The following DENND4A variants were observed in gnomAD, a reference collection of about 807,000 sequenced individuals.
DENND4A encodes the protein C-myc promoter-binding protein.
Under a neutral mutation model 199.3 loss-of-function variants are expected in DENND4A, and 70 were observed. That is an observed-to-expected ratio of 0.35 (90% CI 0.29 to 0.43). The LOEUF (loss-of-function observed/expected upper bound fraction) is 0.43. Among genes scored for constraint, DENND4A ranks in the 20% least tolerant of loss-of-function variants. DENND4A has a pLI of 1.00. For missense variants in DENND4A, 1,723 were observed against 2,255.8 expected, an observed-to-expected ratio of 0.76 and a Z score of 4.78; for synonymous variants, 686 against 766.9, an observed-to-expected ratio of 0.89 and a Z score of 1.74.
chr15:65,706,191 T>C lies in DENND4A; in HGVS notation c.1987A>G (p.Ile663Val). ...DMDKSGEVRL[I>V]ELDESFKSEH... is the part of the protein sequence containing the mutation. Reference sequence around the variant, plus strand: ...CTTTTGAAAGATTCATCCAGTTCTATAAGTCGTACTTCACCGCTCTTGTCC... The same window carrying C: ...CTTTTGAAAGATTCATCCAGTTCTACAAGTCGTACTTCACCGCTCTTGTCC... Residue 663 changes from isoleucine to valine, a missense_variant, in exon 15 of 33, where the codon ATA becomes GTA. Physicochemically the swap from Ile to Val is conservative, Grantham distance 29 (BLOSUM62 3). Around this residue, in one of 6 missense-constraint regions of DENND4A, gnomAD observed 725 missense variants for 952.9 expected, o/e 0.76. Transcript: ENST00000443035. 6.3e-7 allele frequency: 1 copy of C among 1,596,176 alleles called. No individual in the cohort carries two copies. Among genetic ancestry groups the C allele is most frequent in the Non-Finnish European group, 8.5e-7 (1 of 1,170,826 alleles).
At chr15:65,790,504 C>G (rs1029677788) in intron 1 of DENND4A, among the ~76,000 whole-genome samples, 1 of 151,980 alleles carries the variant, frequency 6.6e-6, no homozygotes, top group Non-Finnish European at 1.5e-5. Flanking sequence ...AAATTAAACT[C>G]CACAGTGAAG....
chr15:65,696,326 A>G, intron 22 of DENND4A, 40 bp downstream of exon 22: 3 of 1,589,724 alleles, frequency 1.9e-6, no homozygotes, highest in Non-Finnish European at 2.6e-6. Flanking sequence ...TACAGATACA[A>G]TTTATTCCGC....
In DENND4A at chr15:65,737,909, AGT is replaced by A; in HGVS notation, c.836_837del (p.Tyr279PhefsTer2). 1 of 1,599,108 alleles carries A rather than the reference AGT, an allele frequency of 6.3e-7. No homozygotes were observed. Among genetic ancestry groups the A allele is most frequent in the Non-Finnish European group, 8.5e-7 (1 of 1,171,948 alleles). ...YGAAIQFYEPYSEENLTEKQR... is the reference protein window; with the variant it reads ...YGAAIQFYEPXSEENLTEKQR... ...TGCTTTTCTGTGAGATTCTCCTCAG[AGT>A]ATGGTTCATAAAACTGAATAGCAGC... On this transcript the variant is annotated frameshift_variant, in exon 7 of 33. Coordinates refer to ENST00000443035, the MANE Select transcript of DENND4A (RefSeq NM_001320835.1). LOFTEE classifies it high-confidence loss of function.
intron 23 of DENND4A, among the ~76,000 whole-genome samples, chr15:65,683,923 C>T (rs2076665696): frequency 6.6e-6 from 1 of 152,184 alleles, no homozygotes; most frequent in Non-Finnish European, 1.5e-5. Flanking sequence ...CACTAATATA[C>T]TGTGTCTACA....
rs575542021 is a variant in DENND4A at position 65,739,851 on chromosome 15, G to A, written c.632-976C>T. On this transcript the variant is annotated intron_variant, in intron 5 of 32. Coordinates refer to ENST00000443035, the MANE Select transcript of DENND4A (RefSeq NM_001320835.1). ...TCTGTACTACTCTCTCAGGTCATGA[G>A]GTAATTAATAAAGTCATAAAGTAAG... Among the ~76,000 whole-genome samples the A allele has an allele frequency of 1.3e-3, 199 of 152,214 alleles. 1 individual carries two copies. Among genetic ancestry groups the A allele is most frequent in the African/African-American group, 4.6e-3 (192 of 41,534 alleles).
intron 1 of DENND4A, among the ~76,000 whole-genome samples, chr15:65,773,543 G>T (rs1047861608): frequency 3.3e-5 from 5 of 152,320 alleles, no homozygotes; most frequent in African/African-American, 1.2e-4. Flanking sequence ...ATAGAGGAGA[G>T]ATGGAAGGGG....
At chr15:65,775,264 T>C (rs2077252166) in intron 1 of DENND4A, among the ~76,000 whole-genome samples, 2 of 152,040 alleles carry the variant, frequency 1.3e-5, no homozygotes, top group South Asian at 4.2e-4. Flanking sequence ...GAGGTTTGCT[T>C]GAGCCCAGGA....
Position 65,715,619 on chromosome 15 carries a change from G to A in DENND4A, c.1812C>T (p.Phe604=). The A allele has an allele frequency of 1.3e-6, 2 of 1,546,198 alleles. No homozygotes were observed. Among genetic ancestry groups the A allele is most frequent in the Non-Finnish European group, 1.7e-6 (2 of 1,148,408 alleles). Residue 604 remains phenylalanine (F), a synonymous_variant, in exon 14 of 33, where the codon TTC becomes TTT. Coordinates refer to ENST00000443035, the MANE Select transcript of DENND4A (RefSeq NM_001320835.1). ...DAASLFALQA[F]LRSRDRSHQK... is the part of the protein sequence containing the mutation. ...GATGTGACCGGTCCCGGCTTCTTAAGAAAGCTGTTCAACAAAAATATATAA... is the reference window on the plus strand; with the variant it reads ...GATGTGACCGGTCCCGGCTTCTTAAAAAAGCTGTTCAACAAAAATATATAA...
At chr15:65,781,006 C>T (rs2572210) in intron 1 of DENND4A, among the ~76,000 whole-genome samples, 30,115 of 151,998 alleles carry the variant, frequency 0.2, 4,015 homozygotes, top group East Asian at 0.73. Flanking sequence ...ATTATCCAGG[C>T]AAGAGTATGG....
intron 23 of DENND4A, among the ~76,000 whole-genome samples, chr15:65,678,239 T>G (rs938598968): frequency 6.6e-6 from 1 of 152,222 alleles, no homozygotes. Context: ...CATACTTTTC[T>G]TTTTCAAAAT....
chr15:65,778,934 G>A (rs1026834489), intron 1 of DENND4A, among the ~76,000 whole-genome samples: 1 of 149,128 alleles, frequency 6.7e-6, no homozygotes, highest in African/African-American at 2.5e-5. Flanking sequence ...TCAGCTCAGA[G>A]GAGGCCAACA....
At position 65,691,461 on chromosome 15, in the gene DENND4A, T is replaced by A; in HGVS notation, c.3133A>T (p.Thr1045Ser). Reference sequence around the variant, plus strand: ...AAGCATCTACTTTGAATGTTTCGTGTTTCATTTGTATCTTCAAGAGATGAT... The same window carrying A: ...AAGCATCTACTTTGAATGTTTCGTGATTCATTTGTATCTTCAAGAGATGAT... ...LISSLEDTNE[T>S]RNIQSRCFRK... The change falls in exon 23 of 33, where the codon ACA (threonine) becomes TCA (serine). Residue 1045 changes from threonine (T) to serine (S), a missense_variant. By Grantham distance (58) the Thr-to-Ser change is moderately conservative. Transcript: ENST00000443035. 1.9e-6 allele frequency: 3 copies of A among 1,612,430 alleles called. No homozygotes were observed. The highest frequency in any genetic ancestry group is 1.7e-6 in the Non-Finnish European group (2 of 1,179,172).
intron 5 of DENND4A, among the ~76,000 whole-genome samples, chr15:65,739,099 T>C (rs1460327764): frequency 2.6e-5 from 4 of 152,194 alleles, no homozygotes; most frequent in East Asian, 1.9e-4. Flanking sequence ...GCTTCATCTA[T>C]AAAGGCTATG....
chr15:65,702,983 T>C lies in DENND4A; in HGVS notation c.2113A>G (p.Asn705Asp), dbSNP rs757134254. The change falls in exon 16 of 33, where the codon AAC (asparagine) becomes GAC (aspartate). Residue 705 changes from asparagine (N) to aspartate (D), a missense_variant. Coordinates refer to ENST00000443035, the MANE Select transcript of DENND4A (RefSeq NM_001320835.1). ...YSYNGFPVLRNNLFERPEGFL... is the reference protein window; with the variant it reads ...YSYNGFPVLRDNLFERPEGFL... Reference sequence around the variant, plus strand: ...CCTTCAGGTCTTTCAAATAAATTGTTCCTAAGAACTGGAAATCCATTATAG... The same window carrying C: ...CCTTCAGGTCTTTCAAATAAATTGTCCCTAAGAACTGGAAATCCATTATAG... 1 of 1,612,542 alleles carries C rather than the reference T, an allele frequency of 6.2e-7. No homozygotes were observed. The highest frequency in any genetic ancestry group is 8.5e-7 in the Non-Finnish European group (1 of 1,179,414).
intron 23 of DENND4A, among the ~76,000 whole-genome samples, chr15:65,677,210 T>A (rs76089431): frequency 0.01 from 1,597 of 152,278 alleles, 30 homozygotes; most frequent in African/African-American, 0.037. Context: ...TTTAATCATA[T>A]AGGGCAAAAA....
At chr15:65,733,899 C>G (rs1014181652) in intron 7 of DENND4A, among the ~76,000 whole-genome samples, 12 of 152,194 alleles carry the variant, frequency 7.9e-5, no homozygotes, top group African/African-American at 2.4e-4. Context: ...TGCTCCTTAA[C>G]AGTCATCACC....
intron 3 of DENND4A, among the ~76,000 whole-genome samples, chr15:65,755,503 C>T (rs899645997): frequency 1.3e-5 from 2 of 152,180 alleles, no homozygotes; most frequent in African/African-American, 4.8e-5. Context: ...TGGTGGCTCA[C>T]ATCTGTAATC....
chr15:65,745,938 G>T (rs549276765), intron 4 of DENND4A, among the ~76,000 whole-genome samples: 1 of 151,522 alleles, frequency 6.6e-6, no homozygotes, highest in African/African-American at 2.4e-5. Flanking sequence ...GTTTGAGACC[G>T]GCCTGGCCAA....
Position 65,697,268 on chromosome 15 carries a change from G to A in DENND4A, c.2949C>T (p.Ser983=). 1.3e-6 allele frequency: 2 copies of A among 1,542,534 alleles called. No homozygotes were observed. The highest frequency in any genetic ancestry group is 4.6e-5 in the East Asian group (2 of 43,684). The change falls in exon 21 of 33, where the codon TCC becomes TCT. Residue 983 remains serine (S), a splice_region_variant and synonymous_variant. Coordinates refer to ENST00000443035, the MANE Select transcript of DENND4A (RefSeq NM_001320835.1). ...AATATCAACTTAAACAATACCTACA[G>A]GAACTACAATCACTCCCTTTTTTAT... is the stretch of plus-strand genomic sequence containing the variant. ...EKDKKGSDCS[S]LSESESTKGS...
Sources: gnomAD v4.1 joint callset for allele counts (sites outside exome capture counted in the v4.1 genomes callset) on GRCh38, gnomAD v4.1.1 for gene constraint, gnomAD v4.1.1 regional missense constraint, MANE v1.5 for transcripts, NCBI Gene and HGNC (gene_info 2026-07-23, HGNC 2026-07-21) for gene names.